Variants in SCHIP1 observed in about 807,000 individuals in gnomAD.
SCHIP1 encodes schwannomin interacting protein 1.
In SCHIP1, 8 loss-of-function variants were observed where a neutral mutation model predicts 29.7. That is an observed-to-expected ratio of 0.27 (90% confidence interval 0.16 to 0.49). The LOEUF (loss-of-function observed/expected upper bound fraction) is 0.49. SCHIP1 is among the 20% of genes least tolerant of loss of function. The pLI is 0.99. For synonymous variants in SCHIP1, 76 were observed against 94.9 expected, an observed-to-expected ratio of 0.80 and a Z score of 1.16; for missense variants, 193 against 294.6, an observed-to-expected ratio of 0.66 and a Z score of 2.52.
chr3:159,293,995 T>A, the SCHIP1 span, among the ~76,000 whole-genome samples: 1 of 152,170 alleles, frequency 6.6e-6, no homozygotes, highest in Non-Finnish European at 1.5e-5. Context: ...CCCAGTACTG[T>A]CCAAAGACAG....
At chr3:159,759,330 C>A in the SCHIP1 span, among the ~76,000 whole-genome samples, 1 of 152,176 alleles carries the variant, frequency 6.6e-6, no homozygotes, top group African/African-American at 2.4e-5. Flanking sequence ...AGAAGGCCAA[C>A]CTGTCTAATA....
At chr3:159,859,194 A>G (rs1713750953) in intron 1 of SCHIP1, among the ~76,000 whole-genome samples, 2 of 152,216 alleles carry the variant, frequency 1.3e-5, no homozygotes, top group Admixed American at 6.5e-5. Context: ...AACAGCATAC[A>G]ATTTCTTTTC....
At chr3:159,642,710 A>G in the SCHIP1 span, among the ~76,000 whole-genome samples, 1 of 152,120 alleles carries the variant, frequency 6.6e-6, no homozygotes, top group Non-Finnish European at 1.5e-5. Context: ...ACAGGGACAG[A>G]GCTCCACATG....
chr3:159,759,648 C>T, the SCHIP1 span, among the ~76,000 whole-genome samples: 468 of 152,198 alleles, frequency 3.1e-3, 4 homozygotes, highest in African/African-American at 0.011. Context: ...GACCCTTTAC[C>T]CCACAGGGCT....
At chr3:159,887,804 C>A (rs1457146498) in exon 4 of SCHIP1, 2 of 1,613,904 alleles carry the variant, frequency 1.2e-6, no homozygotes, top group East Asian at 4.5e-5. Flanking sequence ...AAAGAAATTG[C>A]AAGCTGAAGC....
chr3:159,739,530 T>A, the SCHIP1 span, among the ~76,000 whole-genome samples: 1 of 152,352 alleles, frequency 6.6e-6, no homozygotes, highest in South Asian at 2.1e-4. Context: ...CTCTATTCTA[T>A]CTTTTTCTTT....
intron 5 of SCHIP1, among the ~76,000 whole-genome samples, chr3:159,890,337 A>G (rs967310325): frequency 2.0e-5 from 3 of 152,156 alleles, no homozygotes; most frequent in African/African-American, 7.2e-5. Context: ...TCCATAATAA[A>G]AAGCTTAAAA....
the SCHIP1 span, among the ~76,000 whole-genome samples, chr3:159,741,270 G>A: frequency 0.79 from 120,553 of 152,144 alleles, 48,013 homozygotes; most frequent in Middle Eastern, 0.91. Context: ...TATTCTGGCC[G>A]TAAGATTCTG....
chr3:159,412,993 G>A, the SCHIP1 span, among the ~76,000 whole-genome samples: 2 of 152,188 alleles, frequency 1.3e-5, no homozygotes, highest in Non-Finnish European at 2.9e-5. Flanking sequence ...TGGCTGGAGA[G>A]GCCTCAGGAA....
chr3:159,586,115 T>G, the SCHIP1 span, among the ~76,000 whole-genome samples: 1 of 151,886 alleles, frequency 6.6e-6, no homozygotes, highest in Non-Finnish European at 1.5e-5. Context: ...TAGATAAGCC[T>G]GAGGATTTGC....
At chr3:159,288,698 A>G in the SCHIP1 span, among the ~76,000 whole-genome samples, 1 of 152,238 alleles carries the variant, frequency 6.6e-6, no homozygotes, top group Non-Finnish European at 1.5e-5. Flanking sequence ...AGATTGCGCC[A>G]GCCTGGGCAA....
the SCHIP1 span, among the ~76,000 whole-genome samples, chr3:159,609,848 T>G: frequency 2.6e-5 from 4 of 152,220 alleles, no homozygotes; most frequent in East Asian, 7.7e-4. Flanking sequence ...TAGAATTTAT[T>G]TGCTAAGCGA....
chr3:159,492,573 C>T, the SCHIP1 span, among the ~76,000 whole-genome samples: 12 of 152,172 alleles, frequency 7.9e-5, no homozygotes, highest in Non-Finnish European at 1.5e-4. Flanking sequence ...AAGAAATGAA[C>T]AAAGCCTCCA....
At chr3:159,767,526 T>C in the SCHIP1 span, among the ~76,000 whole-genome samples, 1 of 152,218 alleles carries the variant, frequency 6.6e-6, no homozygotes, top group Non-Finnish European at 1.5e-5. Flanking sequence ...TCAAATCCAA[T>C]GATATTTTAC....
chr3:159,852,146 GCAGCAGTT>G (rs1712729515), intron 1 of SCHIP1, among the ~76,000 whole-genome samples: 1 of 152,222 alleles, frequency 6.6e-6, no homozygotes, highest in Non-Finnish European at 1.5e-5. Flanking sequence ...GAGCATGTCA[GCAGCAGTT>G]CAGATGCCAA....
At chr3:159,288,240 A>G in the SCHIP1 span, among the ~76,000 whole-genome samples, 4 of 152,242 alleles carry the variant, frequency 2.6e-5, no homozygotes, top group East Asian at 7.7e-4. Flanking sequence ...ATACTCCTAC[A>G]CATGAATAAA....
the SCHIP1 span, among the ~76,000 whole-genome samples, chr3:159,362,251 T>G: frequency 6.6e-6 from 1 of 152,084 alleles, no homozygotes; most frequent in Non-Finnish European, 1.5e-5. Context: ...TGTCAAATGG[T>G]GAATGTAAGG....
chr3:159,347,189 G>A, the SCHIP1 span, among the ~76,000 whole-genome samples: 15 of 152,148 alleles, frequency 9.9e-5, no homozygotes, highest in Non-Finnish European at 2.1e-4. Context: ...CAGTACATAT[G>A]GTTCTACATT....
At chr3:159,659,845 T>A in the SCHIP1 span, among the ~76,000 whole-genome samples, 1 of 152,110 alleles carries the variant, frequency 6.6e-6, no homozygotes, top group Non-Finnish European at 1.5e-5. Flanking sequence ...AGACACCGAT[T>A]TTTTTCCCCT....
Sources: gnomAD v4.1 joint callset for allele counts (sites outside exome capture counted in the v4.1 genomes callset) on GRCh38, gnomAD v4.1.1 for gene constraint, MANE v1.5 for transcripts, NCBI Gene and HGNC (gene_info 2026-07-23, HGNC 2026-07-21) for gene names.